Variants in MRPS5 observed in about 807,000 individuals in gnomAD.
The protein encoded by MRPS5 is small ribosomal subunit protein uS5m.
In MRPS5, 27 loss-of-function variants were observed where a neutral mutation model predicts 51.9. The observed-to-expected ratio is 0.52, with a 90% confidence interval of 0.38 to 0.72. The LOEUF is 0.72. Ranked by LOEUF, MRPS5 falls within the 30% of genes least tolerant of loss-of-function variation. The pLI is 0.00. For synonymous variants in MRPS5, 196 were observed against 193.2 expected (o/e 1.01, Z -0.12); for missense variants, 570 against 545.7 (o/e 1.04, Z -0.44).
At chr2:95,098,677 G>GAT (rs1675701436) in intron 10 of MRPS5, among the ~76,000 whole-genome samples, 2 of 151,972 alleles carry the variant, frequency 1.3e-5, no homozygotes, top group African/African-American at 4.8e-5. Flanking sequence ...TCACACACTG[G>GAT]GGCCTGTGGT....
intron 8 of MRPS5, among the ~76,000 whole-genome samples, chr2:95,101,258 C>A (rs1212935652): frequency 6.6e-6 from 1 of 151,892 alleles, no homozygotes; most frequent in Admixed American, 6.6e-5. Context: ...GTGGTGGGCA[C>A]CTGTAATCCC....
At chr2:95,121,908 G>T, upstream of MRPS5, 1 of 1,200,642 alleles carries the variant, frequency 8.3e-7, no homozygotes, top group Non-Finnish European at 1.1e-6. Context: ...TGAGGCCCGA[G>T]TCCACGCAGC....
Position 95,108,426 on chromosome 2 carries a change from T to C in MRPS5, c.404-18A>G, listed in dbSNP as rs1558683871. 1 of 1,586,542 alleles carries C rather than the reference T, an allele frequency of 6.3e-7. No individual in the cohort carries two copies. The highest frequency in any genetic ancestry group is 8.6e-7 in the Non-Finnish European group (1 of 1,162,660). On this transcript the variant is annotated intron_variant, in intron 4 of 11. Coordinates refer to ENST00000272418, the MANE Select transcript of MRPS5 (RefSeq NM_031902.5). Reference sequence around the variant, plus strand: ...ATAACGCCCTGAAGGTTTAAAAATATAAATAATAATTTTGTTAAAGTACTC... The same window carrying C: ...ATAACGCCCTGAAGGTTTAAAAATACAAATAATAATTTTGTTAAAGTACTC...
chr2:95,117,145 A>AG (rs1185217934), intron 2 of MRPS5, among the ~76,000 whole-genome samples: 1 of 151,374 alleles, frequency 6.6e-6, no homozygotes, highest in Non-Finnish European at 1.5e-5. Context: ...CATCTCAAAA[A>AG]GAAAAAAAAA....
Position 95,087,129 on chromosome 2 carries a change from G to A in MRPS5, c.*228C>T. On this transcript the variant is annotated 3_prime_UTR_variant, in exon 12 of 12. Coordinates refer to ENST00000272418, the MANE Select transcript of MRPS5 (RefSeq NM_031902.5). ...TTCATTTACTTTTGTTACTTTGGAT[G>A]AATATTTAAAGTAGTCTTGAACTGA... 2.3e-6 allele frequency: 1 copy of A among 443,254 alleles called. No homozygotes were observed. The allele number at this position is 443,254 out of a possible 1,614,324, so 27.5% of individuals were successfully genotyped here.
At chr2:95,089,551 T>C (rs1390952055) in intron 11 of MRPS5, among the ~76,000 whole-genome samples, 30 of 152,144 alleles carry the variant, frequency 2.0e-4, no homozygotes, top group Admixed American at 3.9e-4. Context: ...TGGTGGGTGA[T>C]TGGGAGCCGG....
At position 95,087,210 on chromosome 2, in the gene MRPS5, A is replaced by C. The variant is rs1333771156; in HGVS notation, c.*147T>G. The C allele has an allele frequency of 1.6e-6, 1 of 608,854 alleles. No homozygotes were observed. Among genetic ancestry groups the C allele is most frequent in the African/African-American group, 1.8e-5 (1 of 54,088 alleles). The allele number at this position is 608,854 out of a possible 1,614,324, so 37.7% of individuals were successfully genotyped here. On this transcript the variant is annotated 3_prime_UTR_variant, in exon 12 of 12. Coordinates refer to ENST00000272418, the MANE Select transcript of MRPS5 (RefSeq NM_031902.5). ...CATATAACATGTGCTCAACAAATGA[A>C]AGCTATAATTATTTATTTCCAAAGA...
intron 11 of MRPS5, among the ~76,000 whole-genome samples, chr2:95,089,132 C>G (rs1351429875): frequency 6.6e-6 from 1 of 152,092 alleles, no homozygotes; most frequent in Non-Finnish European, 1.5e-5. Context: ...ATAAATACAA[C>G]CTATCTAAAA....
chr2:95,106,413 G>A lies in MRPS5; in HGVS notation c.672+10C>T, dbSNP rs1675950966. The A allele has an allele frequency of 2.1e-6, 3 of 1,443,672 alleles. No individual in the cohort carries two copies. Among genetic ancestry groups the A allele is most frequent in the Non-Finnish European group, 2.8e-6 (3 of 1,067,350 alleles). The allele number at this position is 1,443,672 out of a possible 1,614,324, so 89.4% of individuals were successfully genotyped here. Reference sequence around the variant, plus strand: ...AAGGCTTAACCAGGTATTTAATTCTGCATGCCTACCTCAAGTATCCTGGTA... The same window carrying A: ...AAGGCTTAACCAGGTATTTAATTCTACATGCCTACCTCAAGTATCCTGGTA... On this transcript the variant is annotated intron_variant, in intron 6 of 11. Transcript: ENST00000272418.
chr2:95,117,383 G>C (rs575612617), intron 2 of MRPS5, among the ~76,000 whole-genome samples: 2 of 151,368 alleles, frequency 1.3e-5, no homozygotes, highest in Non-Finnish European at 2.9e-5. Flanking sequence ...GTAGGAAAAA[G>C]AAAATGTAAT....
At chr2:95,107,440 C>T (rs1675982830) in intron 5 of MRPS5, among the ~76,000 whole-genome samples, 1 of 152,188 alleles carries the variant, frequency 6.6e-6, no homozygotes, top group Non-Finnish European at 1.5e-5. Context: ...GAAGCCACTT[C>T]ACACTCTGAA....
intron 7 of MRPS5, 146 bp downstream of exon 7, chr2:95,104,494 A>G (rs767841938): frequency 3.8e-6 from 3 of 782,122 alleles, no homozygotes; most frequent in South Asian, 1.4e-5. Context: ...GACTTACCAC[A>G]AGCTTTGTGA....
At chr2:95,106,022 C>T (rs1214629365) in intron 6 of MRPS5, among the ~76,000 whole-genome samples, 1 of 152,190 alleles carries the variant, frequency 6.6e-6, no homozygotes, top group Non-Finnish European at 1.5e-5. Context: ...ACCAGACAGG[C>T]ACCACAACTC....
At chr2:95,115,968 G>A (rs1179084042) in intron 2 of MRPS5, among the ~76,000 whole-genome samples, 5 of 149,718 alleles carry the variant, frequency 3.3e-5, no homozygotes, top group East Asian at 2.0e-4. Flanking sequence ...TTGCAGTGGC[G>A]CGATGTCAGC....
At chr2:95,107,614 A>T (rs995524508) in intron 5 of MRPS5, among the ~76,000 whole-genome samples, 4 of 152,182 alleles carry the variant, frequency 2.6e-5, no homozygotes, top group East Asian at 1.9e-4. Flanking sequence ...TTCTTAAGAA[A>T]GCAGCGAAAC....
intron 3 of MRPS5, among the ~76,000 whole-genome samples, chr2:95,111,539 G>A (rs937682208): frequency 6.6e-6 from 1 of 151,976 alleles, no homozygotes; most frequent in Non-Finnish European, 1.5e-5. Flanking sequence ...ATAGTAAGAG[G>A]AAAATAAAAT....
intron 10 of MRPS5, among the ~76,000 whole-genome samples, chr2:95,094,204 A>G (rs181560907): frequency 6.6e-6 from 1 of 152,344 alleles, no homozygotes; most frequent in African/African-American, 2.4e-5. Context: ...TAAAAAAACG[A>G]ACAAAACCTC....
chr2:95,110,865 A>T (rs1676098773), intron 3 of MRPS5, among the ~76,000 whole-genome samples: 1 of 152,214 alleles, frequency 6.6e-6, no homozygotes, highest in African/African-American at 2.4e-5. Context: ...ATAACAGTAA[A>T]AAATCTAAGA....
At chr2:95,103,695 G>A (rs879748516) in intron 7 of MRPS5, 2 of 152,092 alleles carry the variant, frequency 1.3e-5, no homozygotes, top group Admixed American at 6.6e-5. Flanking sequence ...GTAGGGAAAA[G>A]GTTACAAAAA....
Sources: gnomAD v4.1 joint callset for allele counts (sites outside exome capture counted in the v4.1 genomes callset) on GRCh38, gnomAD v4.1.1 for gene constraint, MANE v1.5 for transcripts, NCBI Gene and HGNC (gene_info 2026-07-23, HGNC 2026-07-21) for gene names.